Variants in PRH1 observed in about 807,000 individuals in gnomAD.
PRH1 encodes the protein salivary acidic proline-rich phosphoprotein 1/2.
PRH1 carries 7 observed loss-of-function variants against 7.9 expected under a neutral mutation model. The ratio of observed to expected loss-of-function variants is 0.89; its 90% CI spans 0.50 to 1.67. The LOEUF is 1.67. Ranked by LOEUF, PRH1 falls within the 40% of genes most tolerant of loss-of-function variation. The pLI, the probability that PRH1 is intolerant of heterozygous loss-of-function variation, is 0.00. For synonymous variants in PRH1, 45 were observed against 80.8 expected (o/e 0.56, Z 2.38); for missense variants, 109 against 223.6 (o/e 0.49, Z 3.27).
intron 1 of PRH1, among the ~76,000 whole-genome samples, chr12:11,015,326 G>C (rs995906071): frequency 1.4e-4 from 21 of 152,364 alleles, no homozygotes; most frequent in African/African-American, 4.6e-4. Context: ...ACAAGTCAAA[G>C]GTCTAACACT....
intron 1 of PRH1, among the ~76,000 whole-genome samples, chr12:11,039,739 G>C (rs1942624283): frequency 6.6e-6 from 1 of 152,190 alleles, no homozygotes; most frequent in African/African-American, 2.4e-5. Flanking sequence ...ACCTCAGAAA[G>C]GCCAATAATC....
chr12:10,882,213 G>T lies in PRH1; in HGVS notation c.*18+4C>A. 6.3e-7 allele frequency: 1 copy of T among 1,592,784 alleles called. No individual in the cohort carries two copies. The highest frequency in any genetic ancestry group is 1.1e-5 in the South Asian group (1 of 89,564). ...CTTTGATGGATAATAAACTGGAATCGTACCTGTCATTGAATCCTAGATTAC... is the reference window on the plus strand; with the variant it reads ...CTTTGATGGATAATAAACTGGAATCTTACCTGTCATTGAATCCTAGATTAC... On this transcript the variant is annotated splice_donor_region_variant and intron_variant, in intron 3 of 3. Coordinates refer to ENST00000543626, the MANE Select transcript of PRH1 (RefSeq NM_001393989.1).
chr12:10,885,534 G>A (rs755723940), upstream of PRH1, among the ~76,000 whole-genome samples: 6 of 152,006 alleles, frequency 3.9e-5, no homozygotes, highest in Non-Finnish European at 8.8e-5. Context: ...CCCTGTCAGG[G>A]TCCTGGTTTG....
At chr12:10,975,419 A>G (rs919883082) in intron 1 of PRH1, among the ~76,000 whole-genome samples, 2 of 152,196 alleles carry the variant, frequency 1.3e-5, no homozygotes, top group African/African-American at 4.8e-5. Context: ...GGGGTCCTGA[A>G]GGGAGTACTA....
At chr12:10,972,252 A>G (rs1938849972) in intron 2 of PRH1, among the ~76,000 whole-genome samples, 1 of 152,188 alleles carries the variant, frequency 6.6e-6, no homozygotes, top group South Asian at 2.1e-4. Context: ...CACCTTAAAA[A>G]AAGGCAAGTC....
intron 2 of PRH1, chr12:10,938,486 G>A (rs1408495170): frequency 6.2e-7 from 1 of 1,613,906 alleles, no homozygotes; most frequent in African/African-American, 1.3e-5. Flanking sequence ...AGAGAAAATG[G>A]CATAGAGTAG....
intron 2 of PRH1, chr12:10,895,649 G>C (rs1172998577): frequency 6.6e-6 from 1 of 152,118 alleles, no homozygotes; most frequent in Non-Finnish European, 1.5e-5. Context: ...AAGATTCTTA[G>C]AATCAGGCAT....
chr12:10,989,347 T>C (rs1939810121), intron 1 of PRH1, among the ~76,000 whole-genome samples: 1 of 152,196 alleles, frequency 6.6e-6, no homozygotes, highest in Non-Finnish European at 1.5e-5. Flanking sequence ...GATTCATTCA[T>C]CTTTAGTTGA....
At chr12:11,116,757 G>A (rs944120564), downstream of PRH1, among the ~76,000 whole-genome samples, 3 of 152,144 alleles carry the variant, frequency 2.0e-5, no homozygotes, top group East Asian at 5.8e-4. Context: ...TAGGATGCAA[G>A]GATAGTTCAA....
At chr12:10,883,276 T>C (rs764650208) in intron 1 of PRH1, among the ~76,000 whole-genome samples, 180 bp from the exon 2 acceptor site, 1 of 152,202 alleles carries the variant, frequency 6.6e-6, no homozygotes, top group Non-Finnish European at 1.5e-5. Flanking sequence ...GTATTGTTAC[T>C]ACACTGAGCG....
intron 2 of PRH1, among the ~76,000 whole-genome samples, chr12:10,891,121 C>T (rs915591959): frequency 6.6e-6 from 1 of 152,070 alleles, no homozygotes; most frequent in African/African-American, 2.4e-5. Flanking sequence ...ATCCCTAAAG[C>T]AATTGACATC....
At chr12:11,117,220 C>T (rs1210741194), downstream of PRH1, among the ~76,000 whole-genome samples, 3 of 152,002 alleles carry the variant, frequency 2.0e-5, no homozygotes, top group South Asian at 2.1e-4. Context: ...AGTAAATTTG[C>T]AGAATACACA....
At chr12:10,939,635 T>C (rs1353873753) in intron 2 of PRH1, among the ~76,000 whole-genome samples, 1 of 151,468 alleles carries the variant, frequency 6.6e-6, no homozygotes, top group African/African-American at 2.4e-5. Context: ...AAAATTGGTA[T>C]ATGAAACTTT....
At chr12:11,109,518 C>G (rs902149360) in intron 1 of PRH1, among the ~76,000 whole-genome samples, 12 of 152,176 alleles carry the variant, frequency 7.9e-5, no homozygotes, top group African/African-American at 2.4e-5. Context: ...TGGTGATACC[C>G]AGGCAAACAA....
At chr12:11,053,517 ACACTT>A (rs1209827916) in intron 1 of PRH1, among the ~76,000 whole-genome samples, 4 of 151,790 alleles carry the variant, frequency 2.6e-5, no homozygotes, top group South Asian at 2.1e-4. Flanking sequence ...ACACTACACT[ACACTT>A]AACTTTCTAA....
At chr12:10,929,339 T>G (rs756838466) in intron 2 of PRH1, 2 of 1,613,960 alleles carry the variant, frequency 1.2e-6, no homozygotes, top group Non-Finnish European at 1.7e-6. Context: ...TAGATGAAGG[T>G]AAGCCGAATT....
At chr12:11,005,538 T>C (rs1209686768) in intron 1 of PRH1, among the ~76,000 whole-genome samples, 2 of 152,168 alleles carry the variant, frequency 1.3e-5, no homozygotes, top group African/African-American at 4.8e-5. Context: ...TCCAAGGTTT[T>C]CTTGGAAAGT....
At chr12:11,021,962 T>A (rs1941665688) in intron 1 of PRH1, 1 of 1,612,046 alleles carries the variant, frequency 6.2e-7, no homozygotes, top group African/African-American at 1.3e-5. Flanking sequence ...TTGAGATGTT[T>A]ACAAAGAGAA....
At chr12:11,074,374 TG>T (rs1944210791) in intron 1 of PRH1, among the ~76,000 whole-genome samples, 1 of 148,598 alleles carries the variant, frequency 6.7e-6, no homozygotes, top group African/African-American at 2.5e-5. Flanking sequence ...GGACAGCAGT[TG>T]TAAAAGTGGC....
Sources: gnomAD v4.1 joint callset for allele counts (sites outside exome capture counted in the v4.1 genomes callset) on GRCh38, gnomAD v4.1.1 for gene constraint, MANE v1.5 for transcripts, NCBI Gene and HGNC (gene_info 2026-07-23, HGNC 2026-07-21) for gene names.